CHAF1A: variants seen among roughly 807,000 people sequenced by gnomAD.
CHAF1A encodes the protein chromatin assembly factor 1 subunit A.
CHAF1A carries 5 observed loss-of-function variants against 93.2 expected under a neutral mutation model. The ratio of observed to expected loss-of-function variants is 0.05; its 90% CI spans 0.03 to 0.11. CHAF1A has a LOEUF of 0.11. Among genes scored for constraint, CHAF1A ranks in the 10% least tolerant of loss-of-function variants. CHAF1A has a pLI of 1.00. For missense variants in CHAF1A, 1,102 were observed against 1,259.9 expected, an observed-to-expected ratio of 0.87 and a Z score of 1.90; for synonymous variants, 504 against 510.3, an observed-to-expected ratio of 0.99 and a Z score of 0.17.
Position 4,409,620 on chromosome 19 carries a change from C to G in CHAF1A, c.821C>G (p.Ser274Cys). 1 of 1,614,194 alleles carries G rather than the reference C, an allele frequency of 6.2e-7. No homozygotes were observed. The highest frequency in any genetic ancestry group is 8.5e-7 in the Non-Finnish European group (1 of 1,180,026). Residue 274 changes from serine to cysteine, a missense_variant, in exon 3 of 15, where the codon TCT becomes TGT. By Grantham distance (112) the Ser-to-Cys change is moderately radical (BLOSUM62 -1). This residue lies in a region of CHAF1A where 379 missense variants were observed against 365.7 expected (regional missense o/e 1.04). Transcript: ENST00000301280. ...NMTPESEVLE[S>C]FPEEDSVLSH... ...ACCCCTGAGAGTGAGGTGCTGGAAT[C>G]TTTCCCCGAAGAAGACTCTGTACTC...
chr19:4,424,546 C>T (rs1974046714), intron 7 of CHAF1A, among the ~76,000 whole-genome samples: 4 of 152,166 alleles, frequency 2.6e-5, no homozygotes, highest in Non-Finnish European at 5.9e-5. Context: ...TCACCACAGC[C>T]TTGACCTCTC....
chr19:4,446,211 G>C (rs767015341), downstream of CHAF1A: 1 of 1,592,720 alleles, frequency 6.3e-7, no homozygotes. Flanking sequence ...GGGAGTGGGG[G>C]AGTCAGAGCG....
chr19:4,446,209 G>T, downstream of CHAF1A: 1 of 1,594,576 alleles, frequency 6.3e-7, no homozygotes. Context: ...TGGGGAGTGG[G>T]GGAGTCAGAG....
rs763143193 is a variant in CHAF1A at position 4,429,798 on chromosome 19, T to A, written c.1854+10T>A. The stretch of plus-strand genomic sequence containing the variant: ...GTCCCACAGTGAGGGGGTAAGGATG[T>A]GCCCCAGCTGTCTTCACTCACAGAC... On this transcript the variant is annotated intron_variant, in intron 10 of 14. Coordinates refer to ENST00000301280, the MANE Select transcript of CHAF1A (RefSeq NM_005483.3). 2.3e-5 allele frequency: 37 copies of A among 1,606,546 alleles called. No homozygotes were observed. Among genetic ancestry groups the A allele is most frequent in the Non-Finnish European group, 2.9e-5 (34 of 1,176,388 alleles).
intron 13 of CHAF1A, among the ~76,000 whole-genome samples, chr19:4,438,121 T>C (rs1472231581): frequency 5.3e-5 from 8 of 152,126 alleles, no homozygotes. Flanking sequence ...CATGTGCAGG[T>C]TGGCAAACTC....
intron 4 of CHAF1A, among the ~76,000 whole-genome samples, chr19:4,420,128 T>A (rs1311593441): frequency 6.6e-6 from 1 of 152,162 alleles, no homozygotes; most frequent in Admixed American, 6.5e-5. Context: ...GCAGATATCC[T>A]AACCCAAACT....
At chr19:4,432,242 C>T (rs752685584) in intron 12 of CHAF1A, 35 bp downstream of exon 12, 6 of 1,562,256 alleles carry the variant, frequency 3.8e-6, no homozygotes, top group Non-Finnish European at 5.2e-6. Context: ...CCCACCTGTT[C>T]CTGGGCCCAG....
In CHAF1A at chr19:4,442,317, A is replaced by G. The variant is rs1974407105; in HGVS notation, c.2746A>G (p.Ile916Val). The stretch of plus-strand genomic sequence containing the variant: ...GGAAGAGGAGGAGGGCGACTGTATG[A>G]TCGTGGATGTCCCGGATGCTGCGGG... ...EEEEEEGDCM[I>V]VDVPDAAEVQ... The change falls in exon 14 of 15, where the codon ATC becomes GTC. Residue 916 changes from isoleucine (I) to valine (V), a missense_variant. Around this residue, in one of 6 missense-constraint regions of CHAF1A, gnomAD observed 119 missense variants for 102.2 expected, o/e 1.16. Coordinates refer to ENST00000301280, the MANE Select transcript of CHAF1A (RefSeq NM_005483.3). 5 of 1,607,196 alleles carry G rather than the reference A, an allele frequency of 3.1e-6. No individual in the cohort carries two copies. The highest frequency in any genetic ancestry group is 1.6e-4 in the Middle Eastern group (1 of 6,074).
At chr19:4,443,427 T>G (rs992276867), downstream of CHAF1A, 18 of 205,304 alleles carry the variant, frequency 8.8e-5, no homozygotes, top group South Asian at 4.9e-4. Flanking sequence ...CCGAAAACAT[T>G]GTGTTTCTCT....
At chr19:4,428,632 G>C (rs747113250) in intron 7 of CHAF1A, 32 bp from the exon 8 acceptor site, 2 of 1,583,426 alleles carry the variant, frequency 1.3e-6, no homozygotes, top group Middle Eastern at 1.7e-4. Context: ...CCCATTGCTC[G>C]AAGACCCCAT....
At chr19:4,440,524 G>A (rs774803817) in intron 13 of CHAF1A, among the ~76,000 whole-genome samples, 1 of 152,054 alleles carries the variant, frequency 6.6e-6, no homozygotes, top group Non-Finnish European at 1.5e-5. Context: ...CAGGAGAATG[G>A]TGTGAACCCA....
chr19:4,441,272 G>A (rs1029151439), intron 13 of CHAF1A, among the ~76,000 whole-genome samples: 2 of 151,990 alleles, frequency 1.3e-5, no homozygotes, highest in East Asian at 1.9e-4. Context: ...AGCCAAGATC[G>A]CACCACTGCA....
At chr19:4,421,927 A>G (rs1599648723) in intron 4 of CHAF1A, among the ~76,000 whole-genome samples, 1 of 151,472 alleles carries the variant, frequency 6.6e-6, no homozygotes, top group East Asian at 1.9e-4. Flanking sequence ...ACTGCACCCT[A>G]CGTCTCCTGG....
chr19:4,402,667 C>T lies in CHAF1A; in HGVS notation c.-96C>T, dbSNP rs1294961752. 9.8e-6 allele frequency: 8 copies of T among 820,184 alleles called. No individual in the cohort carries two copies. The highest frequency in any genetic ancestry group is 1.2e-4 in the South Asian group (2 of 16,966). 50.8% of individuals were successfully genotyped at this position (820,184 alleles called of 1,614,324 possible). A position where few individuals can be genotyped will look rare whatever the true frequency, so the allele number is the denominator to read the frequency against. ...AATACGAGCGCGGCGGCCGCGGCGG[C>T]AGCAGCGGCGCGGGCGGGAGGGCGA... On this transcript the variant is annotated 5_prime_UTR_variant, in exon 1 of 15. Transcript: ENST00000301280.
At chr19:4,447,800 A>C (rs1047918211), downstream of CHAF1A, 3 of 647,464 alleles carry the variant, frequency 4.6e-6, no homozygotes, top group African/African-American at 5.4e-5. Flanking sequence ...CACACCTCGG[A>C]CACCCCATGG....
At position 4,402,846 on chromosome 19, in the gene CHAF1A, G is replaced by GGGCGC. The variant is rs1337557602; in HGVS notation, c.52+39_52+43dup. 1.4e-4 allele frequency: 160 copies of GGGCGC among 1,180,344 alleles called. 1 individual carries two copies. In the South Asian group the frequency reaches 6.4e-3, roughly 47 times the overall value. The allele number at this position is 1,180,344 out of a possible 1,614,324, so 73.1% of individuals were successfully genotyped here. On this transcript the variant is annotated intron_variant, in intron 1 of 14. Coordinates refer to ENST00000301280, the MANE Select transcript of CHAF1A (RefSeq NM_005483.3). The stretch of plus-strand genomic sequence containing the variant: ...TCGGGCCCGCGCCGAGGGGAAGGGG[G>GGGCGC]GGCGCGGCGCGCGGCCTGGACGGGC...
intron 1 of CHAF1A, among the ~76,000 whole-genome samples, chr19:4,403,290 A>G (rs915402519): frequency 3.3e-5 from 5 of 152,104 alleles, no homozygotes; most frequent in Non-Finnish European, 7.4e-5. Flanking sequence ...GATGGTAGAG[A>G]TGGCCAGGAG....
chr19:4,421,713 C>A (rs1286442343), intron 4 of CHAF1A, among the ~76,000 whole-genome samples: 1 of 152,158 alleles, frequency 6.6e-6, no homozygotes, highest in Non-Finnish European at 1.5e-5. Context: ...GAGGTCGAGG[C>A]TGCAGCCAGC....
At position 4,419,898 on chromosome 19, in the gene CHAF1A, T is replaced by C. The variant is rs1973960601; in HGVS notation, c.1017+1822T>C. Among the ~76,000 whole-genome samples, 3 of 152,266 alleles carry C rather than the reference T, an allele frequency of 2.0e-5. No individual in the cohort carries two copies. In the South Asian group the frequency reaches 6.2e-4, roughly 32 times the overall value. The stretch of plus-strand genomic sequence containing the variant: ...TTCTAGAAGCCTTCTATTTCCTGCT[T>C]AGCAACAGGGTGGGAGACTCTTCAC... On this transcript the variant is annotated intron_variant, in intron 4 of 14. Coordinates refer to ENST00000301280, the MANE Select transcript of CHAF1A (RefSeq NM_005483.3).
Sources: allele counts gnomAD v4.1 joint callset (sites outside exome capture counted in the v4.1 genomes callset), GRCh38; gene constraint gnomAD v4.1.1; regional missense constraint gnomAD v4.1.1; transcripts MANE v1.5; gene names NCBI Gene and HGNC (gene_info 2026-07-23, HGNC 2026-07-21).